NCAM2: variants seen among roughly 807,000 people sequenced by gnomAD.
NCAM2 encodes neural cell adhesion molecule 2.
A neutral mutation model predicts 98.1 loss-of-function variants in NCAM2; 30 were observed. That is an observed-to-expected ratio of 0.31 (90% CI 0.23 to 0.41). The LOEUF is 0.41. Ranked by LOEUF, NCAM2 falls within the 10% of genes least tolerant of loss-of-function variation. The pLI is 1.00. For synonymous variants in NCAM2, 368 were observed against 342.4 expected (o/e 1.07, Z -0.83); for missense variants, 867 against 1,005.8 (o/e 0.86, Z 1.87).
At chr21:21,354,226 C>A (rs1393500088) in intron 8 of NCAM2, among the ~76,000 whole-genome samples, 4 of 152,068 alleles carry the variant, frequency 2.6e-5, no homozygotes, top group African/African-American at 4.8e-5. Flanking sequence ...GTAGTATAGA[C>A]CTACATCCAC....
At chr21:21,534,770 T>A in intron 17 of NCAM2, 114 bp downstream of exon 17, 1 of 1,084,932 alleles carries the variant, frequency 9.2e-7, no homozygotes, top group Non-Finnish European at 1.2e-6. Flanking sequence ...GAATTGTGCT[T>A]TTACTTTTTT....
intron 1 of NCAM2, among the ~76,000 whole-genome samples, chr21:21,257,319 G>A (rs1459751680): frequency 2.0e-5 from 3 of 152,138 alleles, no homozygotes; most frequent in African/African-American, 4.8e-5. Flanking sequence ...CATCAGTTAA[G>A]TAAAGAACGA....
chr21:21,342,497 A>G lies in NCAM2; in HGVS notation c.1044+3963A>G, dbSNP rs141580814. Reference sequence around the variant, plus strand: ...AGGTGGAGCTGTTTTTGGAACATCTATATGAAGCCTCTCCAGTATGGCTAT... The same window carrying G: ...AGGTGGAGCTGTTTTTGGAACATCTGTATGAAGCCTCTCCAGTATGGCTAT... On this transcript the variant is annotated intron_variant, in intron 8 of 17. Coordinates refer to ENST00000400546, the MANE Select transcript of NCAM2 (RefSeq NM_004540.5). Among the ~76,000 whole-genome samples the G allele has an allele frequency of 7.0e-3, 1,071 of 152,302 alleles. 29 individuals are homozygous for G. The highest frequency in any genetic ancestry group is 0.053 in the Admixed American group (809 of 15,290).
chr21:21,340,971 C>T (rs1449135220), intron 8 of NCAM2, among the ~76,000 whole-genome samples: 3 of 151,982 alleles, frequency 2.0e-5, no homozygotes, highest in Admixed American at 6.6e-5. Context: ...AAATGCATAT[C>T]AATGTTTATC....
Position 21,182,538 on chromosome 21 carries a change from T to A in NCAM2, c.56-98040T>A, listed in dbSNP as rs547827742. 7.9e-5 allele frequency among the ~76,000 whole-genome samples: 12 copies of A among 152,334 alleles called. No individual in the cohort carries two copies. In the South Asian group the frequency reaches 2.5e-3, roughly 32 times the overall value. On this transcript the variant is annotated intron_variant, in intron 1 of 17. Coordinates refer to ENST00000400546, the MANE Select transcript of NCAM2 (RefSeq NM_004540.5). ...TGATATTCATCTCTATTATCCCAGC[T>A]ATTAATGTGATTCATGGTACTGAAT...
chr21:21,517,144 T>C (rs892529571), intron 16 of NCAM2, among the ~76,000 whole-genome samples: 5 of 152,194 alleles, frequency 3.3e-5, no homozygotes, highest in African/African-American at 1.2e-4. Context: ...ATGGAATAAG[T>C]ATATTTCCAG....
intron 1 of NCAM2, among the ~76,000 whole-genome samples, chr21:21,191,089 C>T (rs1359504027): frequency 1.3e-5 from 2 of 152,036 alleles, no homozygotes; most frequent in Admixed American, 6.6e-5. Flanking sequence ...TAAATTGAGG[C>T]CATGTGAGGG....
At chr21:21,159,063 C>T (rs529099025) in intron 1 of NCAM2, among the ~76,000 whole-genome samples, 1 of 151,890 alleles carries the variant, frequency 6.6e-6, no homozygotes, top group Non-Finnish European at 1.5e-5. Flanking sequence ...TCTCAGTAGG[C>T]CTATGCTAAT....
chr21:21,140,561 G>T (rs2067145568), intron 1 of NCAM2, among the ~76,000 whole-genome samples: 1 of 152,036 alleles, frequency 6.6e-6, no homozygotes, highest in African/African-American at 2.4e-5. Flanking sequence ...ATCTGAGATT[G>T]CCATTTCTCC....
chr21:21,286,755 T>G lies in NCAM2; in HGVS notation c.481+343T>G, dbSNP rs147719045. Among the ~76,000 whole-genome samples the G allele has an allele frequency of 1.3e-3, 194 of 151,936 alleles. 3 individuals carry two copies. The East Asian group carries it at 0.034, about 27-fold the overall frequency. On this transcript the variant is annotated intron_variant, in intron 4 of 17. Coordinates refer to ENST00000400546, the MANE Select transcript of NCAM2 (RefSeq NM_004540.5). ...AATCGTTAGCCTAAAAAAAATACAA[T>G]CATTAGTACCTGGAGATTTACAGAA...
intron 12 of NCAM2, among the ~76,000 whole-genome samples, chr21:21,457,756 C>G (rs771005725): frequency 1.3e-5 from 2 of 152,034 alleles, no homozygotes; most frequent in African/African-American, 2.4e-5. Flanking sequence ...AATTTCTCAA[C>G]AAAGTGTTGA....
At chr21:21,169,673 G>T (rs1454723384) in intron 1 of NCAM2, among the ~76,000 whole-genome samples, 1 of 152,170 alleles carries the variant, frequency 6.6e-6, no homozygotes, top group Non-Finnish European at 1.5e-5. Flanking sequence ...AGACAGCCAG[G>T]CATGGTGGCT....
At chr21:21,355,951 A>G (rs912120681) in intron 8 of NCAM2, among the ~76,000 whole-genome samples, 5 of 152,132 alleles carry the variant, frequency 3.3e-5, no homozygotes, top group African/African-American at 1.2e-4. Context: ...TTAACAATTA[A>G]TTTCGCATCA....
At chr21:21,402,487 G>C (rs1196454839) in intron 9 of NCAM2, among the ~76,000 whole-genome samples, 1 of 152,138 alleles carries the variant, frequency 6.6e-6, no homozygotes, top group Non-Finnish European at 1.5e-5. Flanking sequence ...CTGTTAAGAT[G>C]TTTATCAAGA....
intron 1 of NCAM2, among the ~76,000 whole-genome samples, chr21:21,061,590 T>C (rs2065323976): frequency 6.6e-6 from 1 of 152,054 alleles, no homozygotes; most frequent in African/African-American, 2.4e-5. Flanking sequence ...AGATACTAAT[T>C]ATGTTGGAAT....
chr21:21,537,880 G>C lies in NCAM2; in HGVS notation c.2437G>C (p.Ala813Pro), dbSNP rs770703391. Reference sequence around the variant, plus strand: ...TTTAAAGGAAGAAGATGGGAAAGAAGCTCTAAATCCAGAAACTATAGAAAT... The same window carrying C: ...TTTAAAGGAAGAAGATGGGAAAGAACCTCTAAATCCAGAAACTATAGAAAT... ...LPLKEEDGKE[A>P]LNPETIEIKV... The change falls in exon 18 of 18, where the codon GCT becomes CCT. Residue 813 changes from alanine to proline, a missense_variant. Physicochemically the swap from Ala to Pro is conservative, Grantham distance 27. Around this residue, in one of 5 missense-constraint regions of NCAM2, gnomAD observed 125 missense variants for 116.1 expected, o/e 1.08. Coordinates refer to ENST00000400546, the MANE Select transcript of NCAM2 (RefSeq NM_004540.5). The C allele has an allele frequency of 1.3e-6, 2 of 1,575,088 alleles. No homozygotes were observed. The highest frequency in any genetic ancestry group is 1.7e-6 in the Non-Finnish European group (2 of 1,160,224).
chr21:21,294,446 A>T (rs2073403845), intron 5 of NCAM2, among the ~76,000 whole-genome samples: 1 of 151,714 alleles, frequency 6.6e-6, no homozygotes, highest in East Asian at 1.9e-4. Context: ...TATCAGTTGG[A>T]CCCTCCCAAA....
intron 1 of NCAM2, among the ~76,000 whole-genome samples, chr21:21,040,631 G>A (rs965981249): frequency 1.3e-5 from 2 of 151,988 alleles, no homozygotes; most frequent in Non-Finnish European, 2.9e-5. Context: ...GTCATTCACA[G>A]CAACATGAAT....
At chr21:21,264,725 A>C (rs2072066592) in intron 1 of NCAM2, among the ~76,000 whole-genome samples, 1 of 147,684 alleles carries the variant, frequency 6.8e-6, no homozygotes, top group Admixed American at 6.8e-5. Flanking sequence ...TTTTGTTAAG[A>C]TCTTTGGCAT....
Sources: allele counts gnomAD v4.1 joint callset (sites outside exome capture counted in the v4.1 genomes callset), GRCh38; gene constraint gnomAD v4.1.1; regional missense constraint gnomAD v4.1.1; transcripts MANE v1.5; gene names NCBI Gene and HGNC (gene_info 2026-07-23, HGNC 2026-07-21).